The following CUX1 variants were observed in gnomAD, a reference collection of about 807,000 sequenced individuals.
The protein encoded by CUX1 is cut like homeobox 1.
A neutral mutation model predicts 158.8 loss-of-function variants in CUX1; 31 were observed. That is an observed-to-expected ratio of 0.20 (90% CI 0.15 to 0.26). The LOEUF (loss-of-function observed/expected upper bound fraction) is 0.26. CUX1 is among the 10% of genes least tolerant of loss of function. The pLI, the probability that CUX1 is intolerant of heterozygous loss-of-function variation, is 1.00. For synonymous variants in CUX1, 879 were observed against 862.1 expected (o/e 1.02, Z -0.34); for missense variants, 1,589 against 2,014.6 (o/e 0.79, Z 4.04).
chr7:102,044,932 T>C (rs1233057339), intron 3 of CUX1, among the ~76,000 whole-genome samples: 1 of 152,182 alleles, frequency 6.6e-6, no homozygotes, highest in Non-Finnish European at 1.5e-5. Context: ...GCCCTGGACC[T>C]TTGCTGGGGA....
intron 7 of CUX1, among the ~76,000 whole-genome samples, chr7:102,113,565 A>G (rs1831151273): frequency 6.6e-6 from 1 of 151,790 alleles, no homozygotes; most frequent in Admixed American, 6.6e-5. Flanking sequence ...CTAATTTTTT[A>G]TTTCATTTTA....
chr7:101,900,238 T>C (rs1484780186), intron 1 of CUX1, among the ~76,000 whole-genome samples: 1 of 152,152 alleles, frequency 6.6e-6, no homozygotes, highest in East Asian at 1.9e-4. Flanking sequence ...TAAAATCGCA[T>C]CTCCGCTCTT....
intron 1 of CUX1, among the ~76,000 whole-genome samples, chr7:101,828,505 G>A (rs907666093): frequency 6.6e-6 from 1 of 152,124 alleles, no homozygotes; most frequent in Non-Finnish European, 1.5e-5. Context: ...ATGAACGAAC[G>A]GGGAAAGTGC....
At chr7:102,006,917 G>A (rs975740452) in intron 2 of CUX1, among the ~76,000 whole-genome samples, 3 of 152,262 alleles carry the variant, frequency 2.0e-5, no homozygotes, top group Admixed American at 2.0e-4. Flanking sequence ...GCAGCGGAAA[G>A]CCCTTGCTTC....
chr7:102,180,711 A>G (rs1180966066), intron 11 of CUX1, among the ~76,000 whole-genome samples: 3 of 147,686 alleles, frequency 2.0e-5, no homozygotes, highest in Non-Finnish European at 3.0e-5. Flanking sequence ...CCAGCAATCT[A>G]TTGCCTATGC....
At position 102,201,467 on chromosome 7, in the gene CUX1, C is replaced by T; in HGVS notation, c.2170C>T (p.Leu724Phe). 1 of 1,614,138 alleles carries T rather than the reference C, an allele frequency of 6.2e-7. No individual in the cohort carries two copies. The highest frequency in any genetic ancestry group is 8.5e-7 in the Non-Finnish European group (1 of 1,180,030). Reference protein sequence around the residue: ...RREMEAQQAALDPALKQAPLS... With the variant: ...RREMEAQQAAFDPALKQAPLS... ...GGAGATGGAGGCCCAGCAGGCTGCC[C>T]TCGACCCTGCCTTAAAGCAGGCACC... is the stretch of plus-strand genomic sequence containing the variant. Residue 724 changes from leucine (L) to phenylalanine (F), a missense_variant, in exon 18 of 24, where the codon CTC becomes TTC. Around this residue, in one of 8 missense-constraint regions of CUX1, gnomAD observed 337 missense variants for 409.3 expected, o/e 0.82. Transcript: ENST00000292535. This position sits in a 1 kb window ranked among gnomAD's most constrained non-coding sequence, Gnocchi z 5.0.
At chr7:101,904,554 A>G (rs932289647) in intron 1 of CUX1, among the ~76,000 whole-genome samples, 2 of 150,768 alleles carry the variant, frequency 1.3e-5, no homozygotes, top group African/African-American at 4.9e-5. Context: ...CAAATGTATA[A>G]TAACATTTTG....
Position 102,252,267 on chromosome 7 carries a change from A to T in CUX1, c.*3225A>T. ...CCTCCTGGTTGGGCCCCTCAGTTGGAGTCTAAGGGTTAATCTCTCATCTTG... is the reference window on the plus strand; with the variant it reads ...CCTCCTGGTTGGGCCCCTCAGTTGGTGTCTAAGGGTTAATCTCTCATCTTG... On this transcript the variant is annotated 3_prime_UTR_variant, in exon 24 of 24. Transcript: ENST00000292535. The T allele has an allele frequency of 1.1e-5, 11 of 985,362 alleles. No homozygotes were observed. Among genetic ancestry groups the T allele is most frequent in the Non-Finnish European group, 1.3e-5 (11 of 829,930 alleles). The allele number at this position is 985,362 out of a possible 1,614,324, so 61.0% of individuals were successfully genotyped here.
chr7:102,065,830 C>T (rs576587830), intron 3 of CUX1, among the ~76,000 whole-genome samples: 2 of 150,916 alleles, frequency 1.3e-5, no homozygotes, highest in East Asian at 2.0e-4. Flanking sequence ...CTCGCTCTGT[C>T]GCCAGGCTGG....
intron 2 of CUX1, among the ~76,000 whole-genome samples, chr7:101,987,267 G>A (rs932433235): frequency 3.9e-5 from 6 of 152,212 alleles, no homozygotes; most frequent in Non-Finnish European, 7.3e-5. Context: ...CGTGAGCCAC[G>A]ACGGTAAACA....
chr7:102,136,331 AC>A (rs1189929824), intron 8 of CUX1, among the ~76,000 whole-genome samples: 3 of 151,934 alleles, frequency 2.0e-5, no homozygotes, highest in Non-Finnish European at 2.9e-5. Context: ...AGAAAAAAAA[AC>A]AACAACCTTT....
chr7:102,227,316 G>A, intron 20 of CUX1, 51 bp from the exon 21 acceptor site: 1 of 1,492,832 alleles, frequency 6.7e-7, no homozygotes, highest in Non-Finnish European at 9.2e-7. Flanking sequence ...AGATGGTCGT[G>A]GTAAAAGACA....
intron 17 of CUX1, among the ~76,000 whole-genome samples, chr7:102,276,711 C>T (rs1262132349): frequency 6.6e-6 from 1 of 152,200 alleles, no homozygotes; most frequent in African/African-American, 2.4e-5. Context: ...ATTAAAACCA[C>T]AGCGTGTGAT....
At chr7:102,003,581 TC>T (rs1816976571) in intron 2 of CUX1, among the ~76,000 whole-genome samples, 3 of 152,090 alleles carry the variant, frequency 2.0e-5, no homozygotes, top group Admixed American at 6.5e-5. Flanking sequence ...ACTTGGGCTC[TC>T]CCCGGGGTCA....
chr7:101,906,718 G>A (rs535466360), intron 1 of CUX1, among the ~76,000 whole-genome samples: 2 of 152,158 alleles, frequency 1.3e-5, no homozygotes, highest in Non-Finnish European at 2.9e-5. Flanking sequence ...AGCAGCTGCC[G>A]TATCTCCAGC....
intron 23 of CUX1, among the ~76,000 whole-genome samples, chr7:102,242,224 T>C (rs1294803594): frequency 2.0e-5 from 3 of 147,582 alleles, no homozygotes; most frequent in African/African-American, 7.5e-5. Flanking sequence ...TTTTTTTTTT[T>C]TTTCTGAGAC....
chr7:102,116,390 C>T (rs2131135380), intron 8 of CUX1, among the ~76,000 whole-genome samples: 1 of 152,248 alleles, frequency 6.6e-6, no homozygotes, highest in East Asian at 1.9e-4. Context: ...ACTAGATCAG[C>T]TACTCTCTTC....
intron 8 of CUX1, among the ~76,000 whole-genome samples, chr7:102,129,031 G>A (rs1832945451): frequency 6.6e-6 from 1 of 152,054 alleles, no homozygotes; most frequent in Non-Finnish European, 1.5e-5. Context: ...TCTATAAAGG[G>A]TGGCTGACAT....
At chr7:101,997,596 A>G (rs1321272999) in intron 2 of CUX1, among the ~76,000 whole-genome samples, 4 of 152,090 alleles carry the variant, frequency 2.6e-5, no homozygotes, top group African/African-American at 9.7e-5. Flanking sequence ...CTCCCGCCTC[A>G]GCCTCCCAAA....
Sources: allele counts gnomAD v4.1 joint callset (sites outside exome capture counted in the v4.1 genomes callset), GRCh38; gene constraint gnomAD v4.1.1; regional missense constraint gnomAD v4.1.1; non-coding constraint Gnocchi (gnomAD v3.1); transcripts MANE v1.5; gene names NCBI Gene and HGNC (gene_info 2026-07-23, HGNC 2026-07-21).